The following DNAJC10 variants were observed in gnomAD, a reference collection of about 807,000 sequenced individuals.
DNAJC10 encodes endoplasmic reticulum disulfide reductase DNAJC10.
In DNAJC10, 101 loss-of-function variants were observed where a neutral mutation model predicts 115.0. The ratio of observed to expected loss-of-function variants is 0.88; its 90% CI spans 0.75 to 1.04. The LOEUF (loss-of-function observed/expected upper bound fraction) is 1.04. DNAJC10 is among the 50% of genes least tolerant of loss of function. The pLI, the probability that DNAJC10 is intolerant of heterozygous loss-of-function variation, is 0.00. For missense variants in DNAJC10, 981 were observed against 928.8 expected (o/e 1.06, Z -0.73); for synonymous variants, 307 against 301.5 (o/e 1.02, Z -0.19).
chr2:182,748,688 T>C (rs908673901), intron 14 of DNAJC10, among the ~76,000 whole-genome samples: 1 of 151,118 alleles, frequency 6.6e-6, no homozygotes, highest in Non-Finnish European at 1.5e-5. Context: ...CCAGCTCCTC[T>C]TTCTGCTAGC....
chr2:182,754,992 C>G lies in DNAJC10; in HGVS notation c.1552-11C>G. ...TATAAAATCTTTAATTCATATTCTC[C>G]TTCCTATCAGTATAACATTCAGGCT... is the stretch of plus-strand genomic sequence containing the variant. On this transcript the variant is annotated splice_polypyrimidine_tract_variant and intron_variant, in intron 16 of 23. Coordinates refer to ENST00000264065, the MANE Select transcript of DNAJC10 (RefSeq NM_018981.4). 6.5e-7 allele frequency: 1 copy of G among 1,536,690 alleles called. No homozygotes were observed.
intron 16 of DNAJC10, among the ~76,000 whole-genome samples, chr2:182,753,548 T>A (rs1449578005): frequency 1.3e-5 from 2 of 151,066 alleles, no homozygotes; most frequent in Admixed American, 6.6e-5. Flanking sequence ...TGATAAACAA[T>A]AATTATCTTA....
At chr2:182,724,958 T>A (rs1253907338) in intron 5 of DNAJC10, among the ~76,000 whole-genome samples, 6 of 151,558 alleles carry the variant, frequency 4.0e-5, no homozygotes, top group Non-Finnish European at 8.9e-5. Context: ...GATAATGCAC[T>A]TTTTTTTCCT....
chr2:182,743,203 A>C (rs1693779842), intron 13 of DNAJC10, among the ~76,000 whole-genome samples: 1 of 152,098 alleles, frequency 6.6e-6, no homozygotes, highest in African/African-American at 2.4e-5. Context: ...TTCCTGGTTT[A>C]TATTTGGCTG....
At chr2:182,739,253 A>T (rs545464091) in intron 11 of DNAJC10, among the ~76,000 whole-genome samples, 12,085 of 129,390 alleles carry the variant, frequency 0.093, 1,666 homozygotes, top group African/African-American at 0.37. Context: ...TATATATCTC[A>T]TATATATATA....
At chr2:182,760,900 C>T (rs769030469) in intron 21 of DNAJC10, among the ~76,000 whole-genome samples, 5 of 151,972 alleles carry the variant, frequency 3.3e-5, no homozygotes, top group African/African-American at 4.8e-5. Context: ...CTTATGCTTC[C>T]TTCTGTAATA....
chr2:182,747,762 CTA>C (rs1467403706), intron 14 of DNAJC10, among the ~76,000 whole-genome samples: 1 of 143,198 alleles, frequency 7.0e-6, no homozygotes, highest in Admixed American at 6.9e-5. Context: ...ACTTCCAACA[CTA>C]TGTTGAATAG....
At position 182,779,398 on chromosome 2, in the gene DNAJC10, C is replaced by G. The variant is rs967089548; in HGVS notation, c.*2266C>G. 2.0e-5 allele frequency: 3 copies of G among 152,152 alleles called. No homozygotes were observed. Among genetic ancestry groups the G allele is most frequent in the Non-Finnish European group, 4.4e-5 (3 of 68,032 alleles). 9.4% of individuals were successfully genotyped at this position (152,152 alleles called of 1,614,324 possible). ...CTAACATGGTATCAATTCTAGCTGA[C>G]CAAAGCACATTCTATCAGGCAGCCA... On this transcript the variant is annotated 3_prime_UTR_variant, in exon 24 of 24. Coordinates refer to ENST00000264065, the MANE Select transcript of DNAJC10 (RefSeq NM_018981.4).
chr2:182,735,329 A>T (rs1693557308), intron 10 of DNAJC10, among the ~76,000 whole-genome samples: 1 of 151,878 alleles, frequency 6.6e-6, no homozygotes, highest in South Asian at 2.1e-4. Context: ...CTAATCAAAT[A>T]TGTTTTTTTC....
Position 182,792,329 on chromosome 2 carries a change from G to T in DNAJC10, c.*15197G>T, listed in dbSNP as rs374812402. 2 of 152,146 alleles carry T rather than the reference G, an allele frequency of 1.3e-5. No homozygotes were observed. Among genetic ancestry groups the T allele is most frequent in the African/African-American group, 4.8e-5 (2 of 41,434 alleles). The allele number at this position is 152,146 out of a possible 1,614,324, so 9.4% of individuals were successfully genotyped here. On this transcript the variant is annotated 3_prime_UTR_variant, in exon 24 of 24. Coordinates refer to ENST00000264065, the MANE Select transcript of DNAJC10 (RefSeq NM_018981.4). ...GTTATCTTTGTGAGGGGTTTTGAGG[G>T]TTGTGGAACAGGATAACATTTTGAG...
At chr2:182,739,837 T>G in intron 11 of DNAJC10, 1 of 992,426 alleles carries the variant, frequency 1.0e-6, no homozygotes. Flanking sequence ...AATTATTGGT[T>G]GGGGAATGAA....
intron 5 of DNAJC10, among the ~76,000 whole-genome samples, chr2:182,725,085 T>C (rs554634113): frequency 9.2e-5 from 14 of 152,304 alleles, no homozygotes; most frequent in African/African-American, 3.4e-4. Flanking sequence ...CCAAACTTTT[T>C]CATTATTATT....
chr2:182,751,946 C>A, intron 15 of DNAJC10, 126 bp from the exon 16 acceptor site: 1 of 1,186,604 alleles, frequency 8.4e-7, no homozygotes, highest in Non-Finnish European at 1.2e-6. Flanking sequence ...AATGTAATTA[C>A]TCCTCCAGGG....
chr2:182,719,498 A>G (rs1053444941), intron 3 of DNAJC10, among the ~76,000 whole-genome samples: 3 of 150,612 alleles, frequency 2.0e-5, no homozygotes, highest in African/African-American at 7.3e-5. Flanking sequence ...CAAATGATCC[A>G]CCCTCCTCAG....
At chr2:182,734,626 A>G (rs1693540292) in intron 10 of DNAJC10, among the ~76,000 whole-genome samples, 2 of 151,776 alleles carry the variant, frequency 1.3e-5, no homozygotes, top group African/African-American at 4.8e-5. Context: ...TAATAATTTT[A>G]TTGTCTGCCT....
intron 5 of DNAJC10, among the ~76,000 whole-genome samples, chr2:182,727,360 TAAC>T (rs1196199939): frequency 1.3e-5 from 2 of 152,238 alleles, no homozygotes; most frequent in Non-Finnish European, 2.9e-5. Context: ...TATATAAAAA[TAAC>T]TACCTCATTA....
chr2:182,766,626 G>GA (rs1041850289), intron 22 of DNAJC10, among the ~76,000 whole-genome samples: 1 of 152,054 alleles, frequency 6.6e-6, no homozygotes, highest in Admixed American at 6.6e-5. Context: ...ATACTCCAGG[G>GA]AAGCAGAAAA....
intron 11 of DNAJC10, 144 bp downstream of exon 11, chr2:182,736,530 A>C: frequency 4.3e-6 from 2 of 467,038 alleles, no homozygotes; most frequent in East Asian, 7.3e-5. Context: ...CACATACTTA[A>C]TTTCTGAGAT....
Position 182,790,827 on chromosome 2 carries a change from CCTT to C in DNAJC10, c.*13698_*13700del, listed in dbSNP as rs1695036769. 6.6e-6 allele frequency: 1 copy of C among 151,522 alleles called. No homozygotes were observed. Among genetic ancestry groups the C allele is most frequent in the Non-Finnish European group, 1.5e-5 (1 of 67,868 alleles). 9.4% of individuals were successfully genotyped at this position (151,522 alleles called of 1,614,324 possible). ...AAAAATTACAATAGTAATAATTATG[CCTT>C]CTAACACTAAAATCAAATAACCTTA... On this transcript the variant is annotated 3_prime_UTR_variant, in exon 24 of 24. Transcript: ENST00000264065.
Sources: gnomAD v4.1 joint callset for allele counts (sites outside exome capture counted in the v4.1 genomes callset) on GRCh38, gnomAD v4.1.1 for gene constraint, MANE v1.5 for transcripts, NCBI Gene and HGNC (gene_info 2026-07-23, HGNC 2026-07-21) for gene names.